The following SPAG16 variants were observed in gnomAD, a reference collection of about 807,000 sequenced individuals.
The protein encoded by SPAG16 is sperm-associated antigen 16 protein.
Under a neutral mutation model 80.4 loss-of-function variants are expected in SPAG16, and 86 were observed. The ratio of observed to expected loss-of-function variants is 1.07; its 90% confidence interval spans 0.90 to 1.28. The LOEUF is 1.28. Among genes scored for constraint, SPAG16 ranks in the 50% most tolerant of loss-of-function variants. The probability of loss-of-function intolerance (pLI) is 0.00; values close to 1 mark genes in which losing one functional copy is unlikely to be tolerated. For synonymous variants in SPAG16, 294 were observed against 265.9 expected, an observed-to-expected ratio of 1.11 and a Z score of -1.03; for missense variants, 870 against 765.3, an observed-to-expected ratio of 1.14 and a Z score of -1.61.
rs114242347 is a variant in SPAG16, at chr2:213,811,129, A to G, written c.1071-51356A>G. ...ACTTTTACAAATAATTAAAATATAC[A>G]TTAATATTCAGTTTTTACACTTCTG... On this transcript the variant is annotated intron_variant, in intron 10 of 15. Coordinates refer to ENST00000331683, the MANE Select transcript of SPAG16 (RefSeq NM_024532.5). Among the ~76,000 whole-genome samples, 334 of 152,272 alleles carry G rather than the reference A, an allele frequency of 2.2e-3. 1 individual carries two copies. Among genetic ancestry groups the G allele is most frequent in the African/African-American group, 7.8e-3 (322 of 41,540 alleles).
At chr2:214,202,197 T>TA in intron 15 of SPAG16, among the ~76,000 whole-genome samples, 1 of 152,304 alleles carries the variant, frequency 6.6e-6, no homozygotes, top group South Asian at 2.1e-4. Context: ...TGGGAGACGT[T>TA]ACACCAACAA....
At chr2:213,574,709 G>GATAT (rs933555265) in intron 10 of SPAG16, among the ~76,000 whole-genome samples, 2 of 143,640 alleles carry the variant, frequency 1.4e-5, no homozygotes, top group African/African-American at 2.5e-5. Context: ...TATGATATAT[G>GATAT]ATATATATAT....
chr2:213,967,924 G>A (rs1218435597), intron 12 of SPAG16, among the ~76,000 whole-genome samples: 28 of 152,026 alleles, frequency 1.8e-4, no homozygotes, highest in South Asian at 2.1e-4. Context: ...TTCCTTTTAC[G>A]ATATCAGTGA....
At chr2:213,355,571 G>A (rs1413850578) in intron 7 of SPAG16, among the ~76,000 whole-genome samples, 4 of 152,102 alleles carry the variant, frequency 2.6e-5, no homozygotes, top group African/African-American at 4.8e-5. Context: ...CCTTGAAGAC[G>A]TCCTTTACAT....
intron 12 of SPAG16, among the ~76,000 whole-genome samples, chr2:213,987,153 A>C (rs2106438405): frequency 6.6e-6 from 1 of 152,166 alleles, no homozygotes; most frequent in East Asian, 1.9e-4. Flanking sequence ...CTCATCAGCT[A>C]TTTATTAATT....
chr2:213,746,202 T>G (rs753049027), intron 10 of SPAG16, among the ~76,000 whole-genome samples: 28 of 152,228 alleles, frequency 1.8e-4, no homozygotes, highest in Admixed American at 1.0e-3. Context: ...ATTAAGCCAC[T>G]GAAGTCTTTT....
chr2:214,275,869 A>G (rs1692425493), intron 15 of SPAG16, among the ~76,000 whole-genome samples: 1 of 152,134 alleles, frequency 6.6e-6, no homozygotes, highest in African/African-American at 2.4e-5. Context: ...TGTCTCGTTG[A>G]TCTGTCTAAT....
At chr2:214,258,463 G>A (rs1690863702) in intron 15 of SPAG16, among the ~76,000 whole-genome samples, 2 of 86,408 alleles carry the variant, frequency 2.3e-5, no homozygotes, top group Non-Finnish European at 5.5e-5. Context: ...GTGTATGTAT[G>A]TGTGTGTGTA....
intron 9 of SPAG16, among the ~76,000 whole-genome samples, chr2:213,476,076 C>A (rs2073360115): frequency 6.6e-6 from 1 of 152,182 alleles, no homozygotes; most frequent in African/African-American, 2.4e-5. Flanking sequence ...TAGACAGAAA[C>A]AACATGGTTC....
At chr2:213,648,463 T>TGCA (rs2125137632) in intron 10 of SPAG16, among the ~76,000 whole-genome samples, 1 of 152,334 alleles carries the variant, frequency 6.6e-6, no homozygotes, top group South Asian at 2.1e-4. Context: ...ATAGACCACC[T>TGCA]GCAGCTTCAG....
chr2:213,833,307 T>G (rs1271031631), intron 10 of SPAG16, among the ~76,000 whole-genome samples: 2 of 145,380 alleles, frequency 1.4e-5, no homozygotes, highest in Admixed American at 1.5e-4. Flanking sequence ...CCAGACTGTT[T>G]CCTAACATAT....
chr2:213,884,828 C>T (rs553814337), intron 11 of SPAG16, among the ~76,000 whole-genome samples: 13 of 152,302 alleles, frequency 8.5e-5, no homozygotes, highest in African/African-American at 2.9e-4. Context: ...GAGAATTTTT[C>T]AGCTTTAGAA....
intron 10 of SPAG16, among the ~76,000 whole-genome samples, chr2:213,567,729 G>C (rs1314143655): frequency 2.9e-5 from 1 of 33,986 alleles, no homozygotes; most frequent in Non-Finnish European, 4.7e-5. Flanking sequence ...ATGATTTATA[G>C]TCCTTTGGGT....
intron 15 of SPAG16, among the ~76,000 whole-genome samples, chr2:214,349,566 C>T (rs1250579689): frequency 6.6e-6 from 1 of 152,120 alleles, no homozygotes; most frequent in Non-Finnish European, 1.5e-5. Context: ...TTTCTGTTAG[C>T]ATATATCTTC....
intron 9 of SPAG16, among the ~76,000 whole-genome samples, chr2:213,449,664 G>C (rs557622192): frequency 6.6e-6 from 1 of 152,290 alleles, no homozygotes; most frequent in Non-Finnish European, 1.5e-5. Context: ...GGAGGGTGAA[G>C]ATTGAAAAAC....
chr2:214,126,031 CTTCCTTCCTTCCTTCCTTCCTTCCTTCCT>C (rs1272823511), intron 14 of SPAG16, among the ~76,000 whole-genome samples: 715 of 31,840 alleles, frequency 0.022, 83 homozygotes, highest in East Asian at 0.099. Flanking sequence ...TCCTTCCTTC[CTTCCTTCCTTCCTTCCTTCCTTCCTTCCT>C]TTTTTTTTTT....
intron 15 of SPAG16, among the ~76,000 whole-genome samples, chr2:214,160,942 C>T (rs1391954791): frequency 6.6e-6 from 1 of 151,980 alleles, no homozygotes; most frequent in African/African-American, 2.4e-5. Context: ...AAACATTTTT[C>T]TCAAACAGAA....
At chr2:213,692,701 T>C (rs2064994340) in intron 10 of SPAG16, among the ~76,000 whole-genome samples, 1 of 151,698 alleles carries the variant, frequency 6.6e-6, no homozygotes, top group African/African-American at 2.4e-5. Flanking sequence ...TCCCAGCTAT[T>C]TGGGAGGATG....
intron 10 of SPAG16, among the ~76,000 whole-genome samples, chr2:213,630,276 C>A (rs543990771): frequency 1.3e-5 from 2 of 151,768 alleles, no homozygotes; most frequent in South Asian, 2.1e-4. Context: ...CCGAGCTACT[C>A]GGGAGGCTGA....
Sources: gnomAD v4.1 joint callset for allele counts (sites outside exome capture counted in the v4.1 genomes callset) on GRCh38, gnomAD v4.1.1 for gene constraint, MANE v1.5 for transcripts, NCBI Gene and HGNC (gene_info 2026-07-23, HGNC 2026-07-21) for gene names.